Variants in NR3C2 observed in about 807,000 individuals in gnomAD.
NR3C2 encodes the protein mineralocorticoid receptor.
In NR3C2, 15 loss-of-function variants were observed where a neutral mutation model predicts 86.4. That is an observed-to-expected ratio of 0.17 (90% CI 0.12 to 0.27). The LOEUF (loss-of-function observed/expected upper bound fraction) is 0.27. NR3C2 is among the 10% of genes least tolerant of loss of function. The probability of loss-of-function intolerance (pLI) is 1.00; values close to 1 mark genes in which losing one functional copy is unlikely to be tolerated. For synonymous variants in NR3C2, 458 were observed against 450.5 expected (o/e 1.02, Z -0.21); for missense variants, 960 against 1,195.6 (o/e 0.80, Z 2.91).
rs538027909 is a variant in NR3C2, at chr4:148,391,411, T to C, written c.1757+43693A>G. ...ATTCTTACAAATACTGTCTTTGGCC[T>C]TGATACTATTTTGTTTAACCTCATC... On this transcript the variant is annotated intron_variant, in intron 2 of 8. Coordinates refer to ENST00000358102, the MANE Select transcript of NR3C2 (RefSeq NM_000901.5). Among the ~76,000 whole-genome samples the C allele has an allele frequency of 3.3e-5, 5 of 152,354 alleles. No homozygotes were observed. In the East Asian group the frequency reaches 9.6e-4, roughly 29 times the overall value.
chr4:148,166,746 C>T lies in NR3C2; in HGVS notation c.2015-11845G>A, dbSNP rs116837161. 4.2e-3 allele frequency among the ~76,000 whole-genome samples: 638 copies of T among 151,372 alleles called. 8 individuals are homozygous for T. The highest frequency in any genetic ancestry group is 0.015 in the African/African-American group (605 of 41,222). On this transcript the variant is annotated intron_variant, in intron 4 of 8. Transcript: ENST00000358102. ...TTTATTTTTCATGATTCCTTATAATCTGTATTTTCCATTCATACGAGATTG... is the reference window on the plus strand; with the variant it reads ...TTTATTTTTCATGATTCCTTATAATTTGTATTTTCCATTCATACGAGATTG...
rs1289724945 is a variant in NR3C2, at chr4:148,210,745, CA to C, written c.1898-15884del. 2.6e-5 allele frequency among the ~76,000 whole-genome samples: 4 copies of C among 152,264 alleles called. No individual in the cohort carries two copies. In the East Asian group the frequency reaches 7.7e-4, roughly 29 times the overall value. On this transcript the variant is annotated intron_variant, in intron 3 of 8. Coordinates refer to ENST00000358102, the MANE Select transcript of NR3C2 (RefSeq NM_000901.5). The stretch of plus-strand genomic sequence containing the variant: ...AGTGCAAAGCAATCATAATAAGTTT[CA>C]AAAGCCTTTTCTATCCACAAGTACC...
chr4:148,400,451 T>C (rs982245455), intron 2 of NR3C2, among the ~76,000 whole-genome samples: 3 of 152,144 alleles, frequency 2.0e-5, no homozygotes, highest in African/African-American at 7.2e-5. Flanking sequence ...CAATCTTATA[T>C]TTTCATACAT....
intron 3 of NR3C2, among the ~76,000 whole-genome samples, chr4:148,209,745 G>C (rs115363962): frequency 6.6e-6 from 1 of 152,136 alleles, no homozygotes; most frequent in Admixed American, 6.5e-5. Context: ...GGGCTAGGAC[G>C]GTTGCTTCTC....
intron 2 of NR3C2, among the ~76,000 whole-genome samples, chr4:148,425,070 C>G (rs1237903455): frequency 6.6e-6 from 1 of 152,078 alleles, no homozygotes; most frequent in Non-Finnish European, 1.5e-5. Context: ...TGACAGAAGT[C>G]AAAACAATTT....
intron 2 of NR3C2, among the ~76,000 whole-genome samples, chr4:148,415,857 T>C (rs775370982): frequency 4.6e-5 from 7 of 152,176 alleles, no homozygotes; most frequent in Admixed American, 6.5e-5. Flanking sequence ...TGTAGAAAAT[T>C]TGGTAAATAC....
chr4:148,346,485 A>G (rs1383695612), intron 2 of NR3C2, among the ~76,000 whole-genome samples: 1 of 151,998 alleles, frequency 6.6e-6, no homozygotes, highest in Non-Finnish European at 1.5e-5. Context: ...TTCCTAGGAA[A>G]CTGGATCATG....
At chr4:148,383,897 G>A (rs1747127028) in intron 2 of NR3C2, among the ~76,000 whole-genome samples, 1 of 148,780 alleles carries the variant, frequency 6.7e-6, no homozygotes, top group Admixed American at 6.7e-5. Flanking sequence ...GCAGTGAGCT[G>A]AGATGGTGCC....
chr4:148,402,146 G>C (rs1748200823), intron 2 of NR3C2, among the ~76,000 whole-genome samples: 1 of 152,080 alleles, frequency 6.6e-6, no homozygotes, highest in Admixed American at 6.5e-5. Flanking sequence ...CCAACGGTGT[G>C]GTCAGTGTTA....
At chr4:148,173,427 G>A (rs1465704781) in intron 4 of NR3C2, among the ~76,000 whole-genome samples, 1 of 152,166 alleles carries the variant, frequency 6.6e-6, no homozygotes, top group African/African-American at 2.4e-5. Context: ...TGTGATGATG[G>A]AAGCAGGGGT....
In NR3C2 at chr4:148,436,039, G is replaced by C. The variant is rs186788495; in HGVS notation, c.822C>G (p.Ser274Arg). 2 of 1,614,160 alleles carry C rather than the reference G, an allele frequency of 1.2e-6. No individual in the cohort carries two copies. Among genetic ancestry groups the C allele is most frequent in the East Asian group, 4.5e-5 (2 of 44,886 alleles). Reference sequence around the variant, plus strand: ...ATTTTACACTGCAGTGACTTGGAGGGCTGGAAATTGAGGATTTCATGCTAC... The same window carrying C: ...ATTTTACACTGCAGTGACTTGGAGGCCTGGAAATTGAGGATTTCATGCTAC... ...PLSSMKSSISSPPSHCSVKSP... is the reference protein window; with the variant it reads ...PLSSMKSSISRPPSHCSVKSP... The change falls in exon 2 of 9, where the codon AGC (serine) becomes AGG (arginine). Residue 274 changes from serine to arginine, a missense_variant. Ser to Arg is a moderately radical substitution (Grantham distance 110). Coordinates refer to ENST00000358102, the MANE Select transcript of NR3C2 (RefSeq NM_000901.5).
chr4:148,191,981 T>C (rs1736218473), intron 4 of NR3C2, among the ~76,000 whole-genome samples: 2 of 152,236 alleles, frequency 1.3e-5, no homozygotes, highest in African/African-American at 4.8e-5. Flanking sequence ...TGAATTCTTT[T>C]TGAGATAAAT....
chr4:148,137,074 A>ATATTCATTTATAATACTGTAC, intron 6 of NR3C2, among the ~76,000 whole-genome samples: 1 of 152,308 alleles, frequency 6.6e-6, no homozygotes, highest in Admixed American at 6.5e-5. Context: ...AGTGATTAGG[A>ATATTCATTTATAATACTGTAC]TATTCATTTA....
At chr4:148,199,436 C>A (rs2149806736) in intron 3 of NR3C2, among the ~76,000 whole-genome samples, 1 of 152,282 alleles carries the variant, frequency 6.6e-6, no homozygotes. Flanking sequence ...AAAGTTATAA[C>A]TTCCTTGTAT....
chr4:148,341,817 A>C (rs1456454060), intron 2 of NR3C2, among the ~76,000 whole-genome samples: 1 of 152,196 alleles, frequency 6.6e-6, no homozygotes, highest in Non-Finnish European at 1.5e-5. Context: ...ATATACATAC[A>C]AACACCACTA....
chr4:148,269,159 T>C (rs549112739), intron 2 of NR3C2, among the ~76,000 whole-genome samples: 2 of 152,064 alleles, frequency 1.3e-5, no homozygotes, highest in East Asian at 1.9e-4. Flanking sequence ...CATTTCCAGT[T>C]AGGCAGGGAA....
At chr4:148,332,562 C>T (rs1744281716) in intron 2 of NR3C2, among the ~76,000 whole-genome samples, 1 of 152,092 alleles carries the variant, frequency 6.6e-6, no homozygotes, top group Non-Finnish European at 1.5e-5. Flanking sequence ...TTATTTGTGT[C>T]AAGATGCTCC....
chr4:148,347,832 C>T (rs1198429614), intron 2 of NR3C2, among the ~76,000 whole-genome samples: 1 of 151,734 alleles, frequency 6.6e-6, no homozygotes, highest in Non-Finnish European at 1.5e-5. Flanking sequence ...ACTGTAGCAG[C>T]GGTGGTTTAT....
chr4:148,364,835 T>C (rs1224463705), intron 2 of NR3C2, among the ~76,000 whole-genome samples: 2 of 149,772 alleles, frequency 1.3e-5, no homozygotes, highest in Non-Finnish European at 3.0e-5. Flanking sequence ...TTTTTTGGAA[T>C]ACTGGCACAA....
Sources: allele counts gnomAD v4.1 joint callset (sites outside exome capture counted in the v4.1 genomes callset), GRCh38; gene constraint gnomAD v4.1.1; transcripts MANE v1.5; gene names NCBI Gene and HGNC (gene_info 2026-07-23, HGNC 2026-07-21).